The following CDH18 variants were observed in gnomAD, a reference collection of about 807,000 sequenced individuals.
CDH18 encodes cadherin 18, also known as cadherin-18.
In CDH18, 31 loss-of-function variants were observed where a neutral mutation model predicts 67.9. The observed-to-expected ratio is 0.46, with a 90% confidence interval of 0.34 to 0.62. The LOEUF is 0.62. Ranked by LOEUF, CDH18 falls within the 20% of genes least tolerant of loss-of-function variation. CDH18 has a pLI of 0.01. For synonymous variants in CDH18, 362 were observed against 347.2 expected (o/e 1.04, Z -0.48); for missense variants, 890 against 975.5 (o/e 0.91, Z 1.17).
intron 1 of CDH18, among the ~76,000 whole-genome samples, chr5:20,427,805 GA>G (rs895990271): frequency 6.6e-6 from 1 of 150,970 alleles, no homozygotes; most frequent in African/African-American, 2.5e-5. Context: ...TAATGTTTCA[GA>G]AAAAAAGTCT....
intron 1 of CDH18, among the ~76,000 whole-genome samples, chr5:19,987,778 C>T (rs1162597284): frequency 6.6e-6 from 1 of 152,154 alleles, no homozygotes; most frequent in African/African-American, 2.4e-5. Context: ...GAGTATTCTT[C>T]CAACTTCTTC....
At chr5:20,246,788 A>C (rs778011316) in intron 2 of CDH18, among the ~76,000 whole-genome samples, 1 of 152,238 alleles carries the variant, frequency 6.6e-6, no homozygotes, top group Non-Finnish European at 1.5e-5. Flanking sequence ...TACCTGTTTA[A>C]CTGGATTATT....
At chr5:20,101,614 G>GT (rs1460471632) in intron 2 of CDH18, among the ~76,000 whole-genome samples, 2 of 152,146 alleles carry the variant, frequency 1.3e-5, no homozygotes, top group Non-Finnish European at 2.9e-5. Context: ...AATGACAATC[G>GT]TAAGTGTGGA....
At chr5:19,904,645 C>T (rs1254268877) in intron 2 of CDH18, among the ~76,000 whole-genome samples, 1 of 152,142 alleles carries the variant, frequency 6.6e-6, no homozygotes, top group Non-Finnish European at 1.5e-5. Context: ...ATAAACTTGG[C>T]TAAATGACTA....
At chr5:19,856,055 T>C (rs536084106) in intron 2 of CDH18, among the ~76,000 whole-genome samples, 1 of 152,304 alleles carries the variant, frequency 6.6e-6, no homozygotes, top group African/African-American at 2.4e-5. Flanking sequence ...TTCTACTTTG[T>C]TTCAATAAAC....
At chr5:20,055,166 G>C (rs922910087) in intron 2 of CDH18, among the ~76,000 whole-genome samples, 1 of 151,960 alleles carries the variant, frequency 6.6e-6, no homozygotes, top group Non-Finnish European at 1.5e-5. Flanking sequence ...AAATATATGA[G>C]GGTATAATCT....
At chr5:20,571,867 A>G (rs11960909) in intron 1 of CDH18, among the ~76,000 whole-genome samples, 42,533 of 151,922 alleles carry the variant, frequency 0.28, 6,766 homozygotes, top group Middle Eastern at 0.41. Flanking sequence ...AGCTAGCACC[A>G]TTTGAAAAAA....
At chr5:19,566,205 T>G (rs886314677) in intron 8 of CDH18, among the ~76,000 whole-genome samples, 3 of 152,076 alleles carry the variant, frequency 2.0e-5, no homozygotes, top group Non-Finnish European at 4.4e-5. Flanking sequence ...ATGGCTTATA[T>G]CAAAATTACA....
At chr5:19,552,526 G>A (rs1315670775) in intron 8 of CDH18, among the ~76,000 whole-genome samples, 1 of 152,072 alleles carries the variant, frequency 6.6e-6, no homozygotes, top group African/African-American at 2.4e-5. Flanking sequence ...AGACTCAACG[G>A]CTACTCTTAT....
chr5:19,623,679 G>A (rs1437957685), intron 5 of CDH18, among the ~76,000 whole-genome samples: 6 of 151,670 alleles, frequency 4.0e-5, no homozygotes, highest in Admixed American at 1.3e-4. Flanking sequence ...ATTAGAGAAA[G>A]GGTATTTAAT....
chr5:20,119,767 T>A (rs916625968), intron 2 of CDH18, among the ~76,000 whole-genome samples: 3 of 152,084 alleles, frequency 2.0e-5, no homozygotes, highest in Non-Finnish European at 4.4e-5. Context: ...TCATATAACA[T>A]AAGAAAATGG....
chr5:20,185,977 G>A (rs1407397432), intron 2 of CDH18, among the ~76,000 whole-genome samples: 1 of 151,890 alleles, frequency 6.6e-6, no homozygotes, highest in African/African-American at 2.4e-5. Flanking sequence ...AAGTGAAGGG[G>A]AGAAGAGGAA....
chr5:19,505,816 G>A (rs1367972698), intron 10 of CDH18, among the ~76,000 whole-genome samples: 1 of 152,086 alleles, frequency 6.6e-6, no homozygotes, highest in East Asian at 1.9e-4. Context: ...TTGGTATCAG[G>A]ATGATGCTGG....
intron 3 of CDH18, among the ~76,000 whole-genome samples, chr5:19,756,086 G>T (rs1771566655): frequency 6.6e-6 from 1 of 152,004 alleles, no homozygotes; most frequent in South Asian, 2.1e-4. Context: ...TTCAAATAAA[G>T]ACAATAATAA....
At chr5:20,456,144 G>T (rs934020004) in intron 1 of CDH18, among the ~76,000 whole-genome samples, 2 of 152,008 alleles carry the variant, frequency 1.3e-5, no homozygotes, top group Admixed American at 6.6e-5. Flanking sequence ...AGGGTTAAAA[G>T]ACAGCATTTA....
At chr5:19,550,604 T>A (rs1271638601) in intron 8 of CDH18, among the ~76,000 whole-genome samples, 1 of 152,246 alleles carries the variant, frequency 6.6e-6, no homozygotes, top group Non-Finnish European at 1.5e-5. Flanking sequence ...CATCATTTTT[T>A]ATGGCTGCAT....
chr5:19,674,975 C>T (rs1468769860), intron 5 of CDH18, among the ~76,000 whole-genome samples: 1 of 152,008 alleles, frequency 6.6e-6, no homozygotes, highest in African/African-American at 2.4e-5. Flanking sequence ...TCTATTTTCC[C>T]TAAGTGTCAG....
At chr5:19,872,357 A>G (rs1248883665) in intron 2 of CDH18, among the ~76,000 whole-genome samples, 1 of 152,178 alleles carries the variant, frequency 6.6e-6, no homozygotes. Flanking sequence ...TAAGTGATGG[A>G]AAAGGTTTAT....
chr5:19,485,443 G>C (rs1226036675), intron 11 of CDH18, among the ~76,000 whole-genome samples: 3 of 152,000 alleles, frequency 2.0e-5, no homozygotes, highest in African/African-American at 7.2e-5. Context: ...TTTTAGTAGA[G>C]ACGGGGTTTC....
Sources: gnomAD v4.1 joint callset for allele counts (sites outside exome capture counted in the v4.1 genomes callset) on GRCh38, gnomAD v4.1.1 for gene constraint, MANE v1.5 for transcripts, NCBI Gene and HGNC (gene_info 2026-07-23, HGNC 2026-07-21) for gene names.